The following B3GALT1 variants were observed in gnomAD, a reference collection of about 807,000 sequenced individuals.
B3GALT1 encodes beta-1,3-galactosyltransferase 1, also known as UDP-Gal:betaGlcNAc beta 1,3-galactosyltransferase, polypeptide 1.
A neutral mutation model predicts 23.2 loss-of-function variants in B3GALT1; 10 were observed. The observed-to-expected ratio is 0.43, with a 90% confidence interval of 0.27 to 0.73. The LOEUF is 0.73. B3GALT1 is among the 30% of genes least tolerant of loss of function. The pLI, the probability that B3GALT1 is intolerant of heterozygous loss-of-function variation, is 0.21. For synonymous variants in B3GALT1, 156 were observed against 141.5 expected (o/e 1.10, Z -0.73); for missense variants, 299 against 405.4 (o/e 0.74, Z 2.25).
chr2:167,443,606 C>T (rs1698931842), intron 1 of B3GALT1, among the ~76,000 whole-genome samples: 1 of 152,012 alleles, frequency 6.6e-6, no homozygotes, highest in Admixed American at 6.6e-5. Flanking sequence ...AAGTTGGATT[C>T]CTAGGTATTT....
At chr2:167,405,623 G>T (rs774756980) in intron 1 of B3GALT1, among the ~76,000 whole-genome samples, 1 of 151,794 alleles carries the variant, frequency 6.6e-6, no homozygotes, top group Non-Finnish European at 1.5e-5. Flanking sequence ...TCAGACAAAG[G>T]GTTTTCTTTG....
rs565639529 is a variant in B3GALT1, at chr2:167,869,026, G to A, written c.-14G>A. On this transcript the variant is annotated 5_prime_UTR_variant, in exon 5 of 5. In the 5' UTR this introduces an upstream ATG that the reference lacks. Coordinates refer to ENST00000392690, the MANE Select transcript of B3GALT1 (RefSeq NM_020981.4). This position sits in a 1 kb window ranked among gnomAD's most constrained non-coding sequence, Gnocchi z 6.4. Reference sequence around the variant, plus strand: ...GTATTCTTCAATATTTGGAATAGACGTGTTCTCAAGACAATGGCTTCAAAG... The same window carrying A: ...GTATTCTTCAATATTTGGAATAGACATGTTCTCAAGACAATGGCTTCAAAG... 2.5e-6 allele frequency: 4 copies of A among 1,581,426 alleles called. No individual in the cohort carries two copies. The highest frequency in any genetic ancestry group is 3.4e-6 in the Non-Finnish European group (4 of 1,164,058).
chr2:167,673,330 AAGAT>A (rs1323012548), intron 3 of B3GALT1, among the ~76,000 whole-genome samples: 1 of 152,144 alleles, frequency 6.6e-6, no homozygotes, highest in Non-Finnish European at 1.5e-5. Context: ...AAAAAATTGA[AAGAT>A]AGAAAATGCA....
chr2:167,627,243 G>C (rs1326018056), intron 2 of B3GALT1, among the ~76,000 whole-genome samples: 1 of 151,566 alleles, frequency 6.6e-6, no homozygotes, highest in Admixed American at 6.6e-5. Flanking sequence ...ATACAGCTGT[G>C]TAGGCATCAC....
At position 167,347,750 on chromosome 2, in the gene B3GALT1, G is replaced by A. The variant is rs79747986; in HGVS notation, c.-511+54416G>A. Among the ~76,000 whole-genome samples, 251 of 152,094 alleles carry A rather than the reference G, an allele frequency of 1.7e-3. 11 individuals carry two copies. In the East Asian group the frequency reaches 0.046, roughly 28 times the overall value. ...TTCTTGCTTCAGTAACCATGCGTTT[G>A]TTGCTTTTCCTTATGGAAATTTAAA... On this transcript the variant is annotated intron_variant, in intron 1 of 4. Transcript: ENST00000392690.
intron 2 of B3GALT1, among the ~76,000 whole-genome samples, chr2:167,579,237 G>A (rs538524210): frequency 6.6e-6 from 1 of 151,844 alleles, no homozygotes; most frequent in African/African-American, 2.4e-5. Context: ...CTTGATTTCA[G>A]TACCCTCTTT....
intron 1 of B3GALT1, among the ~76,000 whole-genome samples, chr2:167,420,258 A>G (rs1698526508): frequency 6.6e-6 from 1 of 152,236 alleles, no homozygotes; most frequent in Non-Finnish European, 1.5e-5. Context: ...AAATGCTGGA[A>G]TATGCCCATA....
At chr2:167,546,247 T>A (rs1179653894) in intron 2 of B3GALT1, among the ~76,000 whole-genome samples, 2 of 152,210 alleles carry the variant, frequency 1.3e-5, no homozygotes, top group Admixed American at 1.3e-4. Flanking sequence ...TTGCCCTCTC[T>A]CAGCTATGAT....
intron 3 of B3GALT1, among the ~76,000 whole-genome samples, chr2:167,802,119 T>G (rs184605767): frequency 4.6e-4 from 70 of 152,304 alleles, no homozygotes; most frequent in African/African-American, 1.6e-3. Context: ...GGGAATATAC[T>G]GTAGACCTGT....
intron 2 of B3GALT1, among the ~76,000 whole-genome samples, chr2:167,581,973 A>G (rs760223166): frequency 3.3e-5 from 5 of 152,132 alleles, no homozygotes; most frequent in African/African-American, 4.8e-5. Flanking sequence ...TGAAACTGCA[A>G]TGTTCTTTCT....
chr2:167,783,082 A>G (rs1356248288), intron 3 of B3GALT1, among the ~76,000 whole-genome samples: 3 of 152,128 alleles, frequency 2.0e-5, no homozygotes, highest in Non-Finnish European at 2.9e-5. Context: ...TCATGGGGGA[A>G]TAAGGTGGAT....
At chr2:167,577,799 CTTCA>C (rs1269852811) in intron 2 of B3GALT1, among the ~76,000 whole-genome samples, 12 of 151,440 alleles carry the variant, frequency 7.9e-5, no homozygotes, top group African/African-American at 2.4e-4. Flanking sequence ...AGAAATATTA[CTTCA>C]TTCAAGAACA....
At chr2:167,606,742 C>T (rs969525766) in intron 2 of B3GALT1, among the ~76,000 whole-genome samples, 2 of 152,158 alleles carry the variant, frequency 1.3e-5, no homozygotes, top group Non-Finnish European at 2.9e-5. Context: ...ATAGGAACTT[C>T]TATGCTCTAT....
At chr2:167,400,528 T>G (rs1239178351) in intron 1 of B3GALT1, among the ~76,000 whole-genome samples, 1 of 152,118 alleles carries the variant, frequency 6.6e-6, no homozygotes, top group African/African-American at 2.4e-5. Context: ...GAATCTCTGT[T>G]AGACTTTTTC....
chr2:167,714,534 T>C (rs7577934), intron 3 of B3GALT1: 135,153 of 1,612,516 alleles, frequency 0.084, 20,437 homozygotes, highest in African/African-American at 0.53. Flanking sequence ...CTGCCAAATG[T>C]TGTATTTGAA....
chr2:167,589,310 C>A (rs1684634914), intron 2 of B3GALT1, among the ~76,000 whole-genome samples: 1 of 151,986 alleles, frequency 6.6e-6, no homozygotes, highest in East Asian at 1.9e-4. Context: ...ATGTTTTTGA[C>A]ATGTAGAAGT....
chr2:167,669,404 G>A (rs1686280350), intron 3 of B3GALT1, among the ~76,000 whole-genome samples: 1 of 152,154 alleles, frequency 6.6e-6, no homozygotes. Context: ...ATTGAATATG[G>A]TCTGGTTTTT....
At chr2:167,553,722 A>G (rs1683791006) in intron 2 of B3GALT1, among the ~76,000 whole-genome samples, 2 of 152,176 alleles carry the variant, frequency 1.3e-5, no homozygotes, top group Admixed American at 1.3e-4. Flanking sequence ...ATAGAAACAA[A>G]ATCTTTTTCT....
At chr2:167,748,191 G>A (rs959007056) in intron 3 of B3GALT1, among the ~76,000 whole-genome samples, 1 of 152,058 alleles carries the variant, frequency 6.6e-6, no homozygotes, top group East Asian at 1.9e-4. Flanking sequence ...GTGATATGTG[G>A]GGAGTGTTAA....
Sources: allele counts gnomAD v4.1 joint callset (sites outside exome capture counted in the v4.1 genomes callset), GRCh38; gene constraint gnomAD v4.1.1; non-coding constraint Gnocchi (gnomAD v3.1); transcripts MANE v1.5; gene names NCBI Gene and HGNC (gene_info 2026-07-23, HGNC 2026-07-21).